CCDC69: variants seen among roughly 807,000 people sequenced by gnomAD.
CCDC69 encodes coiled-coil domain containing 69.
CCDC69 carries 38 observed loss-of-function variants against 40.3 expected under a neutral mutation model. The ratio of observed to expected loss-of-function variants is 0.94; its 90% CI spans 0.73 to 1.24. The LOEUF (loss-of-function observed/expected upper bound fraction) is 1.24. CCDC69 is among the 50% of genes most tolerant of loss of function. The pLI is 0.00. For synonymous variants in CCDC69, 141 were observed against 138.9 expected, an observed-to-expected ratio of 1.02 and a Z score of -0.11; for missense variants, 389 against 357.9, an observed-to-expected ratio of 1.09 and a Z score of -0.70.
intron 2 of CCDC69, among the ~76,000 whole-genome samples, chr5:151,203,957 T>A (rs891758748): frequency 2.7e-5 from 4 of 146,548 alleles, no homozygotes; most frequent in African/African-American, 5.0e-5. Context: ...TATATATATA[T>A]AATACAAATC....
chr5:151,181,368 C>T lies in CCDC69; in HGVS notation c.*2069G>A, dbSNP rs774818112. On this transcript the variant is annotated 3_prime_UTR_variant, in exon 9 of 9. Coordinates refer to ENST00000355417, the MANE Select transcript of CCDC69 (RefSeq NM_015621.3). Reference sequence around the variant, plus strand: ...AGCTGCTGGGACTACAGGCGCCCACCACCACGCCAAGCTAATTTTTTGTAT... The same window carrying T: ...AGCTGCTGGGACTACAGGCGCCCACTACCACGCCAAGCTAATTTTTTGTAT... The T allele has an allele frequency of 9.9e-5, 15 of 152,238 alleles. No homozygotes were observed. Among genetic ancestry groups the T allele is most frequent in the Non-Finnish European group, 1.8e-4 (12 of 68,110 alleles). 9.4% of individuals were successfully genotyped at this position (152,238 alleles called of 1,614,324 possible).
chr5:151,194,100 T>C (rs1044011802), intron 4 of CCDC69, among the ~76,000 whole-genome samples: 4 of 152,256 alleles, frequency 2.6e-5, no homozygotes, highest in African/African-American at 9.6e-5. Flanking sequence ...AACTCATACA[T>C]CACAGATGGT....
intron 4 of CCDC69, among the ~76,000 whole-genome samples, chr5:151,189,766 C>T (rs770315213): frequency 3.3e-5 from 5 of 152,118 alleles, no homozygotes; most frequent in African/African-American, 7.2e-5. Flanking sequence ...ATATAGGGAA[C>T]AACAGCTTGA....
At chr5:151,190,807 A>G (rs746927483) in intron 4 of CCDC69, among the ~76,000 whole-genome samples, 4 of 150,054 alleles carry the variant, frequency 2.7e-5, no homozygotes, top group Non-Finnish European at 5.9e-5. Context: ...ATGTTCAAAT[A>G]CTCAAAAAAA....
intron 5 of CCDC69, among the ~76,000 whole-genome samples, chr5:151,186,635 C>T (rs12657476): frequency 0.42 from 64,041 of 151,982 alleles, 13,582 homozygotes; most frequent in Non-Finnish European, 0.45. Context: ...AAGCTCACCT[C>T]TCACTGCTCC....
In CCDC69 at chr5:151,224,079, G is replaced by A. The variant is rs146344648; in HGVS notation, c.-109C>T. The A allele has an allele frequency of 3.0e-6, 3 of 1,002,026 alleles. No individual in the cohort carries two copies. Among genetic ancestry groups the A allele is most frequent in the East Asian group, 3.1e-5 (1 of 31,898 alleles). 62.1% of individuals were successfully genotyped at this position (1,002,026 alleles called of 1,614,324 possible). A position where few individuals can be genotyped will look rare whatever the true frequency, so the allele number is the denominator to read the frequency against. ...GCGCCCGCCGGCTGGGGCTGCCGGC[G>A]AGACCCTGAAACTGAACCTGGAAGC... On this transcript the variant is annotated 5_prime_UTR_variant, in exon 1 of 9. Coordinates refer to ENST00000355417, the MANE Select transcript of CCDC69 (RefSeq NM_015621.3).
intron 1 of CCDC69, among the ~76,000 whole-genome samples, chr5:151,219,423 A>G (rs1216308878): frequency 6.6e-6 from 1 of 152,012 alleles, no homozygotes; most frequent in Non-Finnish European, 1.5e-5. Context: ...AGGAAAACAC[A>G]AGGGATGTTC....
chr5:151,212,903 T>C (rs561609390), intron 1 of CCDC69: 2 of 456,128 alleles, frequency 4.4e-6, no homozygotes, highest in African/African-American at 2.0e-5. Context: ...GGCTGCCTCA[T>C]TGGAGGGTGG....
rs148067529 is a variant in CCDC69, at chr5:151,186,528, C to T, written c.394-404G>A. On this transcript the variant is annotated intron_variant, in intron 5 of 8. Coordinates refer to ENST00000355417, the MANE Select transcript of CCDC69 (RefSeq NM_015621.3). ...CCACCTCTTGCTTTAATGCCTTTAA[C>T]GGCTCCCCATACTGCAGGGAACAAT... Among the ~76,000 whole-genome samples the T allele has an allele frequency of 2.7e-3, 412 of 152,100 alleles. 3 individuals are homozygous for T. Among genetic ancestry groups the T allele is most frequent in the Middle Eastern group, 0.017 (5 of 294 alleles).
chr5:151,209,555 C>A (rs2113998953), intron 1 of CCDC69, among the ~76,000 whole-genome samples: 1 of 152,184 alleles, frequency 6.6e-6, no homozygotes, highest in Non-Finnish European at 1.5e-5. Flanking sequence ...CCCAGTCTAC[C>A]CCCATTCCAA....
chr5:151,215,001 G>A (rs932741186), intron 1 of CCDC69, among the ~76,000 whole-genome samples: 2 of 152,222 alleles, frequency 1.3e-5, no homozygotes, highest in African/African-American at 4.8e-5. Context: ...TTCCCAGGGT[G>A]TCTGCTAGTT....
chr5:151,205,364 A>G, intron 2 of CCDC69, 36 bp downstream of exon 2: 1 of 1,505,324 alleles, frequency 6.6e-7, no homozygotes, highest in African/African-American at 1.4e-5. Context: ...AACCTCACAG[A>G]TGGCAGTTGG....
intron 1 of CCDC69, among the ~76,000 whole-genome samples, chr5:151,219,393 C>A (rs1753104532): frequency 6.6e-6 from 1 of 152,074 alleles, no homozygotes; most frequent in Non-Finnish European, 1.5e-5. Flanking sequence ...GAGTCCAAAG[C>A]CACACTGGCC....
Position 151,201,667 on chromosome 5 carries a change from G to T in CCDC69, c.146C>A (p.Ala49Glu). The stretch of plus-strand genomic sequence containing the variant: ...CTGGTGCCGCTCAGCCTCCTCTGAT[G>T]CACAGAGCTGGACAGTTATAGCTAG... ...GDTAITVQLC[A>E]SEEAERHQKD... is the part of the protein sequence containing the mutation. Residue 49 changes from alanine (A) to glutamate (E), a missense_variant, in exon 3 of 9, where the codon GCA becomes GAA. By Grantham distance (107) the Ala-to-Glu change is moderately radical. Transcript: ENST00000355417. 2 of 1,612,426 alleles carry T rather than the reference G, an allele frequency of 1.2e-6. No homozygotes were observed. Among genetic ancestry groups the T allele is most frequent in the Non-Finnish European group, 1.7e-6 (2 of 1,178,884 alleles).
intron 6 of CCDC69, among the ~76,000 whole-genome samples, 165 bp downstream of exon 6, chr5:151,185,858 T>C (rs1359714927): frequency 6.6e-6 from 1 of 152,162 alleles, no homozygotes; most frequent in Non-Finnish European, 1.5e-5. Context: ...TGGGCCTTAA[T>C]TTTCCCATCG....
chr5:151,201,730 C>T, intron 2 of CCDC69, 42 bp from the exon 3 acceptor site: 4 of 1,359,950 alleles, frequency 2.9e-6, no homozygotes, highest in Non-Finnish European at 4.1e-6. Context: ...AAAAAACTCA[C>T]AGAGTGGAAG....
intron 4 of CCDC69, among the ~76,000 whole-genome samples, chr5:151,196,671 TG>T (rs1427057669): frequency 2.0e-5 from 3 of 152,056 alleles, no homozygotes; most frequent in African/African-American, 7.2e-5. Flanking sequence ...ACAACCACAA[TG>T]CGAAACCACT....
At chr5:151,221,344 G>A (rs763188203) in intron 1 of CCDC69, among the ~76,000 whole-genome samples, 2 of 152,180 alleles carry the variant, frequency 1.3e-5, no homozygotes, top group Admixed American at 1.3e-4. Context: ...GCTTTCAGTG[G>A]CTCAGCCTTT....
At position 151,183,118 on chromosome 5, in the gene CCDC69, C is replaced by T; in HGVS notation, c.*319G>A. 1 of 514,496 alleles carries T rather than the reference C, an allele frequency of 1.9e-6. No individual in the cohort carries two copies. Among genetic ancestry groups the T allele is most frequent in the South Asian group, 1.5e-5 (1 of 65,038 alleles). The allele number at this position is 514,496 out of a possible 1,614,324, so 31.9% of individuals were successfully genotyped here. ...TGTCTCCTTTATGTCAAATGGCCAG[C>T]GTGACACAGACTGCCCCTGGGAAAG... On this transcript the variant is annotated 3_prime_UTR_variant, in exon 9 of 9. Transcript: ENST00000355417.
Sources: gnomAD v4.1 joint callset for allele counts (sites outside exome capture counted in the v4.1 genomes callset) on GRCh38, gnomAD v4.1.1 for gene constraint, MANE v1.5 for transcripts, NCBI Gene and HGNC (gene_info 2026-07-23, HGNC 2026-07-21) for gene names.